DNAH11: variants seen among roughly 807,000 people sequenced by gnomAD.
DNAH11 encodes dynein axonemal heavy chain 11.
Under a neutral mutation model 526.0 loss-of-function variants are expected in DNAH11, and 442 were observed. The ratio of observed to expected loss-of-function variants is 0.84; its 90% CI spans 0.78 to 0.91. The LOEUF (loss-of-function observed/expected upper bound fraction) is 0.91. Among genes scored for constraint, DNAH11 ranks in the 40% least tolerant of loss-of-function variants. DNAH11 has a pLI of 0.00. For missense variants in DNAH11, 6,989 were observed against 5,448.7 expected (o/e 1.28, Z -8.90); for synonymous variants, 2,461 against 1,935.9 (o/e 1.27, Z -7.12).
intron 25 of DNAH11, among the ~76,000 whole-genome samples, chr7:21,635,297 C>T (rs1486459316): frequency 1.3e-5 from 2 of 152,178 alleles, no homozygotes; most frequent in Non-Finnish European, 2.9e-5. Flanking sequence ...GCTGGGACTA[C>T]AGGCGCCCGT....
At chr7:21,749,185 G>C (rs541919166) in intron 52 of DNAH11, among the ~76,000 whole-genome samples, 36 of 152,168 alleles carry the variant, frequency 2.4e-4, no homozygotes, top group Non-Finnish European at 4.8e-4. Context: ...GGAAACTCTC[G>C]TGTGTTTTTC....
chr7:21,672,054 C>G (rs1403886665), intron 30 of DNAH11, among the ~76,000 whole-genome samples: 3 of 152,178 alleles, frequency 2.0e-5, no homozygotes, highest in Non-Finnish European at 4.4e-5. Context: ...GTCTCTTTGT[C>G]ATTTCCTTTG....
intron 28 of DNAH11, among the ~76,000 whole-genome samples, chr7:21,646,922 T>A (rs1057295938): frequency 2.0e-5 from 3 of 152,182 alleles, no homozygotes; most frequent in Non-Finnish European, 4.4e-5. Flanking sequence ...ATGTCTGGCA[T>A]TGCATTAAAG....
At chr7:21,560,341 G>T (rs1200975810) in intron 4 of DNAH11, among the ~76,000 whole-genome samples, 1 of 152,096 alleles carries the variant, frequency 6.6e-6, no homozygotes, top group African/African-American at 2.4e-5. Flanking sequence ...TATATGAAAG[G>T]GAGTTGATTA....
At chr7:21,610,821 T>C (rs1785491669) in intron 20 of DNAH11, among the ~76,000 whole-genome samples, 1 of 151,834 alleles carries the variant, frequency 6.6e-6, no homozygotes, top group South Asian at 2.1e-4. Context: ...CAGTCATAGG[T>C]GTAAGGAGAT....
Position 21,704,520 on chromosome 7 carries a change from G to C in DNAH11, c.6360G>C (p.Leu2120=), listed in dbSNP as rs1784189630. 1.2e-6 allele frequency: 2 copies of C among 1,613,750 alleles called. No individual in the cohort carries two copies. The highest frequency in any genetic ancestry group is 1.3e-5 in the African/African-American group (1 of 74,912). ...TGTTTCTGGGCCTGGTCGGTGACCT[G>C]TTTCCAGCCCTGGATGTGCCCCGGA... ...IPVFLGLVGD[L]FPALDVPRRR... The change falls in exon 38 of 82, where the codon CTG becomes CTC. Residue 2120 remains leucine, a synonymous_variant. Coordinates refer to ENST00000409508, the MANE Select transcript of DNAH11 (RefSeq NM_001277115.2).
At chr7:21,706,916 A>C (rs749605812) in intron 39 of DNAH11, among the ~76,000 whole-genome samples, 1 of 152,186 alleles carries the variant, frequency 6.6e-6, no homozygotes, top group Non-Finnish European at 1.5e-5. Context: ...AATTGAATAG[A>C]CATACACTGA....
At chr7:21,706,161 A>G (rs1414117581) in intron 39 of DNAH11, among the ~76,000 whole-genome samples, 2 of 152,164 alleles carry the variant, frequency 1.3e-5, no homozygotes, top group African/African-American at 2.4e-5. Context: ...TAGGTGCATT[A>G]TGTATGATTT....
At chr7:21,634,604 T>TAA (rs1786770118) in intron 25 of DNAH11, among the ~76,000 whole-genome samples, 1 of 152,148 alleles carries the variant, frequency 6.6e-6, no homozygotes, top group Admixed American at 6.5e-5. Context: ...ACTGCTGAGC[T>TAA]AAACATTGAG....
At chr7:21,727,502 T>C (rs1212777024) in intron 45 of DNAH11, among the ~76,000 whole-genome samples, 1 of 152,246 alleles carries the variant, frequency 6.6e-6, no homozygotes, top group East Asian at 1.9e-4. Context: ...ATGATCCAAA[T>C]GAACCTTTCT....
intron 2 of DNAH11, among the ~76,000 whole-genome samples, chr7:21,548,503 A>G (rs957693213): frequency 1.3e-5 from 2 of 152,180 alleles, no homozygotes; most frequent in African/African-American, 2.4e-5. Context: ...TAACATATAT[A>G]TTGGGATTAA....
intron 12 of DNAH11, 99 bp from the exon 13 acceptor site, chr7:21,590,819 A>C (rs925783495): frequency 1.3e-6 from 1 of 745,864 alleles, no homozygotes; most frequent in Non-Finnish European, 1.9e-6. Flanking sequence ...AAATATAGTA[A>C]TACTTGGATA....
chr7:21,853,879 A>G (rs1782731873), intron 67 of DNAH11, among the ~76,000 whole-genome samples: 1 of 152,204 alleles, frequency 6.6e-6, no homozygotes, highest in South Asian at 2.1e-4. Flanking sequence ...GTTACTGGGT[A>G]TATTATTGAC....
At chr7:21,606,277 C>A (rs1158502948) in intron 18 of DNAH11, 149 bp from the exon 19 acceptor site, 2 of 649,186 alleles carry the variant, frequency 3.1e-6, no homozygotes, top group Non-Finnish European at 5.2e-6. Flanking sequence ...GAGCTGAGAT[C>A]ATGCCAGTGC....
intron 79 of DNAH11, 22 bp from the exon 80 acceptor site, chr7:21,899,314 C>A: frequency 1.3e-6 from 2 of 1,583,370 alleles, no homozygotes; most frequent in Non-Finnish European, 8.7e-7. Context: ...GCAAGTTTTT[C>A]TTCCTCCCTC....
chr7:21,853,766 A>C (rs1389377106), intron 67 of DNAH11, among the ~76,000 whole-genome samples: 1 of 152,220 alleles, frequency 6.6e-6, no homozygotes, highest in Non-Finnish European at 1.5e-5. Flanking sequence ...AGGCTAATAC[A>C]TAAAGATAAA....
intron 61 of DNAH11, among the ~76,000 whole-genome samples, chr7:21,798,434 A>G (rs901202197): frequency 6.6e-6 from 1 of 152,210 alleles, no homozygotes; most frequent in East Asian, 1.9e-4. Flanking sequence ...GGATACTCTT[A>G]ACTATACAGT....
chr7:21,744,783 A>G, intron 50 of DNAH11, 87 bp from the exon 51 acceptor site: 1 of 1,499,120 alleles, frequency 6.7e-7, no homozygotes, highest in Non-Finnish European at 9.0e-7. Context: ...TGGGTCTGCA[A>G]GCTTTTCCCT....
In DNAH11 at chr7:21,637,624, A is replaced by C. The variant is rs1465857075; in HGVS notation, c.4739A>C (p.Lys1580Thr). The change falls in exon 27 of 82, where the codon AAG (lysine) becomes ACG (threonine). Residue 1580 changes from lysine (K) to threonine (T), a missense_variant. Transcript: ENST00000409508. ...VDAEFKELMFKTAKVENVLEA... is the reference protein window; with the variant it reads ...VDAEFKELMFTTAKVENVLEA... ...ACTTTCATGCAGGAGTTAATGTTCAAGACAGCCAAAGTAGAAAATGTGTTA... is the reference window on the plus strand; with the variant it reads ...ACTTTCATGCAGGAGTTAATGTTCACGACAGCCAAAGTAGAAAATGTGTTA... 3.2e-6 allele frequency: 5 copies of C among 1,585,976 alleles called. No homozygotes were observed. In the East Asian group the frequency reaches 9.1e-5, roughly 29 times the overall value.
Sources: gnomAD v4.1 joint callset for allele counts (sites outside exome capture counted in the v4.1 genomes callset) on GRCh38, gnomAD v4.1.1 for gene constraint, MANE v1.5 for transcripts, NCBI Gene and HGNC (gene_info 2026-07-23, HGNC 2026-07-21) for gene names.